Variants in LDB2 observed in about 807,000 individuals in gnomAD.
The protein encoded by LDB2 is LIM domain binding 2.
LDB2 carries 12 observed loss-of-function variants against 44.3 expected under a neutral mutation model. The ratio of observed to expected loss-of-function variants is 0.27; its 90% CI spans 0.17 to 0.44. The LOEUF (loss-of-function observed/expected upper bound fraction) is 0.44. LDB2 is among the 20% of genes least tolerant of loss of function. The pLI, the probability that LDB2 is intolerant of heterozygous loss-of-function variation, is 1.00. For missense variants in LDB2, 344 were observed against 473.5 expected (o/e 0.73, Z 2.54); for synonymous variants, 164 against 174.8 (o/e 0.94, Z 0.49).
chr4:16,731,147 G>A (rs116643676), intron 2 of LDB2, among the ~76,000 whole-genome samples: 3,656 of 152,224 alleles, frequency 0.024, 159 homozygotes, highest in African/African-American at 0.084. Context: ...ACAATGGTGT[G>A]CTGGCTGCAC....
At chr4:16,627,496 G>A (rs1248985409) in intron 2 of LDB2, among the ~76,000 whole-genome samples, 4 of 152,146 alleles carry the variant, frequency 2.6e-5, no homozygotes, top group South Asian at 4.2e-4. Flanking sequence ...CATCATCATC[G>A]TCATCATTAT....
chr4:16,563,723 G>A (rs1406833563), intron 5 of LDB2, among the ~76,000 whole-genome samples: 1 of 151,420 alleles, frequency 6.6e-6, no homozygotes, highest in Non-Finnish European at 1.5e-5. Context: ...CTCCCAATGT[G>A]CTGGGATTAC....
intron 1 of LDB2, among the ~76,000 whole-genome samples, chr4:16,839,302 C>T (rs928254565): frequency 3.3e-5 from 5 of 152,266 alleles, no homozygotes; most frequent in East Asian, 1.9e-4. Flanking sequence ...CAAGGGGAGC[C>T]GATGTGTGCA....
intron 5 of LDB2, among the ~76,000 whole-genome samples, chr4:16,558,403 C>T (rs1051523164): frequency 9.9e-5 from 15 of 152,154 alleles, no homozygotes; most frequent in Middle Eastern, 3.4e-3. Context: ...TCGGGAACTA[C>T]GTGAAGAATG....
intron 1 of LDB2, among the ~76,000 whole-genome samples, chr4:16,882,717 AT>A (rs921996218): frequency 4.5e-4 from 69 of 151,724 alleles, no homozygotes; most frequent in Admixed American, 2.0e-3. Context: ...CAAATACAGT[AT>A]TTTTTTTTCA....
At chr4:16,755,946 C>G (rs1350618295) in intron 2 of LDB2, among the ~76,000 whole-genome samples, 1 of 152,204 alleles carries the variant, frequency 6.6e-6, no homozygotes, top group African/African-American at 2.4e-5. Flanking sequence ...AAGAAAACAT[C>G]AGTAGCTTCC....
At chr4:16,828,643 A>G (rs1783498150) in intron 1 of LDB2, among the ~76,000 whole-genome samples, 1 of 152,180 alleles carries the variant, frequency 6.6e-6, no homozygotes, top group Admixed American at 6.5e-5. Flanking sequence ...ATTGGGAGAT[A>G]GTATAGTGAT....
chr4:16,724,056 A>G (rs570365727), intron 2 of LDB2, among the ~76,000 whole-genome samples: 2 of 152,262 alleles, frequency 1.3e-5, no homozygotes, highest in East Asian at 3.9e-4. Context: ...CAGTGCAGCC[A>G]ATCAAAAACT....
intron 1 of LDB2, among the ~76,000 whole-genome samples, chr4:16,848,045 C>T (rs1000728162): frequency 2.0e-5 from 3 of 152,074 alleles, no homozygotes; most frequent in African/African-American, 7.2e-5. Flanking sequence ...AAAAATAAGC[C>T]AAATACTTAA....
intron 2 of LDB2, among the ~76,000 whole-genome samples, chr4:16,684,852 G>T (rs191654603): frequency 6.6e-6 from 1 of 152,274 alleles, no homozygotes; most frequent in Admixed American, 6.5e-5. Context: ...TATAGTAAAT[G>T]TTTTAGGTTT....
At chr4:16,719,858 A>G (rs1387202081) in intron 2 of LDB2, among the ~76,000 whole-genome samples, 5 of 152,134 alleles carry the variant, frequency 3.3e-5, no homozygotes, top group Non-Finnish European at 7.4e-5. Context: ...CAATAACACT[A>G]TTGGCTAGAT....
rs1050617550 is a variant in LDB2 at position 16,608,856 on chromosome 4, G to A, written c.236-12981C>T. 1.9e-4 allele frequency among the ~76,000 whole-genome samples: 29 copies of A among 152,256 alleles called. No homozygotes were observed. The South Asian group carries it at 3.1e-3, about 16-fold the overall frequency. On this transcript the variant is annotated intron_variant, in intron 2 of 7. Coordinates refer to ENST00000304523, the MANE Select transcript of LDB2 (RefSeq NM_001290.5). The stretch of plus-strand genomic sequence containing the variant: ...TGCTGGACCACACGAGTCAGGAGCA[G>A]GGCTGCTCCATTGCAGGTCACAGCT...
intron 2 of LDB2, among the ~76,000 whole-genome samples, chr4:16,602,529 C>T (rs892515426): frequency 1.1e-4 from 16 of 152,098 alleles, no homozygotes; most frequent in African/African-American, 3.1e-4. Flanking sequence ...TTCTAAACCA[C>T]GGCAAATGGC....
In LDB2 at chr4:16,738,694, T is replaced by C. The variant is rs1208672654; in HGVS notation, c.235+20464A>G. ...GAGGGAAGTGAAAATCTGGTTCACA[T>C]GTATTAAGTACAAGGAGACAGAGAA... is the stretch of plus-strand genomic sequence containing the variant. On this transcript the variant is annotated intron_variant, in intron 2 of 7. Transcript: ENST00000304523. 3.9e-5 allele frequency among the ~76,000 whole-genome samples: 6 copies of C among 152,368 alleles called. No homozygotes were observed. In the East Asian group the frequency reaches 1.2e-3, roughly 29 times the overall value.
At chr4:16,720,861 G>A (rs186601156) in intron 2 of LDB2, among the ~76,000 whole-genome samples, 14 of 152,166 alleles carry the variant, frequency 9.2e-5, no homozygotes, top group Admixed American at 1.3e-4. Flanking sequence ...GCTATAAAGC[G>A]GTAGGATCCT....
intron 2 of LDB2, among the ~76,000 whole-genome samples, chr4:16,673,836 G>T (rs751410641): frequency 1.3e-5 from 2 of 152,162 alleles, no homozygotes; most frequent in Admixed American, 6.5e-5. Context: ...GAAAGCATGG[G>T]CTACCCTGCT....
At chr4:16,557,325 G>C (rs1196513719) in intron 5 of LDB2, among the ~76,000 whole-genome samples, 1 of 152,200 alleles carries the variant, frequency 6.6e-6, no homozygotes, top group African/African-American at 2.4e-5. Flanking sequence ...AGGGGTGACA[G>C]ATGGCACCTG....
chr4:16,591,871 G>A (rs1719094445), intron 3 of LDB2, among the ~76,000 whole-genome samples: 1 of 143,994 alleles, frequency 6.9e-6, no homozygotes, highest in Admixed American at 6.8e-5. Flanking sequence ...TCTGAAGTCG[G>A]CCTTTTTTTT....
chr4:16,715,347 C>G (rs991513105), intron 2 of LDB2, among the ~76,000 whole-genome samples: 2 of 152,136 alleles, frequency 1.3e-5, no homozygotes, highest in African/African-American at 4.8e-5. Flanking sequence ...ACAAACAGCA[C>G]AGTAGGCACT....
Sources: allele counts gnomAD v4.1 joint callset (sites outside exome capture counted in the v4.1 genomes callset), GRCh38; gene constraint gnomAD v4.1.1; transcripts MANE v1.5; gene names NCBI Gene and HGNC (gene_info 2026-07-23, HGNC 2026-07-21).